Variants in TXNRD2 observed in about 807,000 individuals in gnomAD.
The protein encoded by TXNRD2 is thioredoxin reductase 2.
TXNRD2 carries 67 observed loss-of-function variants against 70.8 expected under a neutral mutation model. The observed-to-expected ratio is 0.95, with a 90% CI of 0.78 to 1.16. The LOEUF (loss-of-function observed/expected upper bound fraction) is 1.16. Ranked by LOEUF, TXNRD2 falls within the 50% of genes most tolerant of loss-of-function variation. TXNRD2 has a pLI of 0.00. For missense variants in TXNRD2, 644 were observed against 719.9 expected, an observed-to-expected ratio of 0.89 and a Z score of 1.21; for synonymous variants, 301 against 295.8, an observed-to-expected ratio of 1.02 and a Z score of -0.18.
chr22:19,934,550 A>G (rs188919280), intron 1 of TXNRD2, among the ~76,000 whole-genome samples: 378 of 149,466 alleles, frequency 2.5e-3, no homozygotes, highest in African/African-American at 9.0e-3. Flanking sequence ...CCCAAGTAAT[A>G]CTTTTATACT....
intron 11 of TXNRD2, among the ~76,000 whole-genome samples, chr22:19,886,331 G>A (rs1939032806): frequency 6.6e-6 from 1 of 152,248 alleles, no homozygotes. Flanking sequence ...CCCACTATGG[G>A]TCTTGCTGAG....
chr22:19,903,462 C>A (rs1939869054), intron 8 of TXNRD2, among the ~76,000 whole-genome samples: 1 of 152,236 alleles, frequency 6.6e-6, no homozygotes, highest in Non-Finnish European at 1.5e-5. Context: ...AGCTCCAAAA[C>A]CTGGCACTGA....
chr22:19,910,165 A>C (rs1469198946), intron 8 of TXNRD2, among the ~76,000 whole-genome samples: 1 of 152,224 alleles, frequency 6.6e-6, no homozygotes, highest in Non-Finnish European at 1.5e-5. Flanking sequence ...CACACCCCAC[A>C]GGCAGGAGCT....
chr22:19,910,692 A>G (rs12167533), intron 8 of TXNRD2, among the ~76,000 whole-genome samples: 4,898 of 152,238 alleles, frequency 0.032, 271 homozygotes, highest in African/African-American at 0.11. Context: ...CTGCAGCCTC[A>G]ACCTCCTGGG....
At chr22:19,906,286 A>T (rs941008753) in intron 8 of TXNRD2, among the ~76,000 whole-genome samples, 6 of 152,224 alleles carry the variant, frequency 3.9e-5, no homozygotes, top group African/African-American at 1.4e-4. Flanking sequence ...CACTGATCAC[A>T]GCAAATGCAA....
chr22:19,893,386 T>C (rs1379827872), intron 11 of TXNRD2, among the ~76,000 whole-genome samples: 3 of 152,202 alleles, frequency 2.0e-5, no homozygotes, highest in South Asian at 4.1e-4. Flanking sequence ...GAGCCTAAAC[T>C]AGACGGCCAG....
intron 11 of TXNRD2, among the ~76,000 whole-genome samples, chr22:19,892,638 T>A (rs1487268605): frequency 6.6e-6 from 1 of 152,176 alleles, no homozygotes; most frequent in East Asian, 1.9e-4. Context: ...TACATCCCTA[T>A]GGGCTTGGTC....
In TXNRD2 at chr22:19,931,055, A is replaced by C. The variant is rs766490506; in HGVS notation, c.147T>G (p.Ser49=). The change falls in exon 2 of 18, where the codon TCT becomes TCG. Residue 49 remains serine, a synonymous_variant. Coordinates refer to ENST00000400521, the MANE Select transcript of TXNRD2 (RefSeq NM_006440.5). The part of the protein sequence containing the change: ...DYDLLVVGGG[S]GGLACAKEAA... ...CCTCCTTGGCACAAGCCAGGCCACCAGATCCCCCGCCGACCACCAGGAGAT... is the reference window on the plus strand; with the variant it reads ...CCTCCTTGGCACAAGCCAGGCCACCCGATCCCCCGCCGACCACCAGGAGAT... The C allele has an allele frequency of 2.5e-6, 4 of 1,613,730 alleles. No homozygotes were observed. The South Asian group carries it at 4.4e-5, about 18-fold the overall frequency.
At chr22:19,913,169 G>C (rs570144917) in intron 7 of TXNRD2, among the ~76,000 whole-genome samples, 31 of 151,942 alleles carry the variant, frequency 2.0e-4, no homozygotes, top group Non-Finnish European at 3.5e-4. Flanking sequence ...CAACCCACAA[G>C]ACTGGGCCAG....
chr22:19,933,923 A>G (rs1435838099), intron 1 of TXNRD2, among the ~76,000 whole-genome samples: 1 of 152,170 alleles, frequency 6.6e-6, no homozygotes, highest in East Asian at 1.9e-4. Flanking sequence ...GCCTTCTGAC[A>G]TATTGTCCAT....
At chr22:19,887,972 G>T in intron 11 of TXNRD2, 1 of 154,988 alleles carries the variant, frequency 6.5e-6, no homozygotes, top group South Asian at 2.0e-4. Flanking sequence ...CACTGGACTT[G>T]GTTCAGAATT....
At chr22:19,936,199 T>C (rs766372119) in intron 1 of TXNRD2, among the ~76,000 whole-genome samples, 3 of 152,052 alleles carry the variant, frequency 2.0e-5, no homozygotes, top group East Asian at 1.9e-4. Flanking sequence ...CCTAATGACA[T>C]ACCAATCCCG....
At chr22:19,933,371 TG>T in intron 1 of TXNRD2, 1 of 1,151,752 alleles carries the variant, frequency 8.7e-7, no homozygotes, top group Non-Finnish European at 1.2e-6. Context: ...AACCTGCTGA[TG>T]GAGAAGCATC....
rs1276099452 is a variant in TXNRD2, at chr22:19,909,670, TCACA to T, written c.662+1703_662+1706del. Among the ~76,000 whole-genome samples the T allele has an allele frequency of 1.4e-4, 7 of 50,350 alleles. No homozygotes were observed. The Admixed American group carries it at 1.5e-3, about 11-fold the overall frequency. 33.0% of individuals were successfully genotyped at this position (50,350 alleles called of 152,430 possible). The stretch of plus-strand genomic sequence containing the variant: ...CACACACCATTCACACACACACCAC[TCACA>T]CACACTACTCACACACACTGCTCAC... On this transcript the variant is annotated intron_variant, in intron 8 of 17. Coordinates refer to ENST00000400521, the MANE Select transcript of TXNRD2 (RefSeq NM_006440.5).
chr22:19,892,533 C>G (rs891555387), intron 11 of TXNRD2, among the ~76,000 whole-genome samples: 1 of 152,262 alleles, frequency 6.6e-6, no homozygotes, highest in Admixed American at 6.5e-5. Flanking sequence ...GTGCAGGCCA[C>G]GGCAGCTCTG....
intron 8 of TXNRD2, among the ~76,000 whole-genome samples, chr22:19,903,696 A>T (rs1162929120): frequency 6.6e-6 from 1 of 152,180 alleles, no homozygotes; most frequent in South Asian, 2.1e-4. Context: ...TCTTGGCTGC[A>T]CTTGGATCCC....
intron 8 of TXNRD2, chr22:19,903,097 A>T: frequency 2.0e-6 from 1 of 512,440 alleles, no homozygotes; most frequent in Non-Finnish European, 3.9e-6. Flanking sequence ...CAGAGGGTGG[A>T]CAGGCCTGGC....
In TXNRD2 at chr22:19,931,671, A is replaced by G. The variant is rs181831375; in HGVS notation, c.104-573T>C. ...AGCACCGATCACCACGTCCAGCTAA[A>G]TTTTTTTGTTTTGTAGAGATGGGGT... On this transcript the variant is annotated intron_variant, in intron 1 of 17. Transcript: ENST00000400521. Among the ~76,000 whole-genome samples the G allele has an allele frequency of 1.8e-3, 276 of 152,108 alleles. 1 individual carries two copies. The highest frequency in any genetic ancestry group is 6.1e-3 in the African/African-American group (255 of 41,524).
chr22:19,898,079 G>T lies in TXNRD2; in HGVS notation c.734C>A (p.Thr245Asn). Residue 245 changes from threonine to asparagine, a missense_variant, in exon 10 of 18, where the codon ACC (threonine) becomes AAC (asparagine). Physicochemically the swap from Thr to Asn is moderately conservative, Grantham distance 65 (BLOSUM62 0). This residue lies in a region of TXNRD2 where 566 missense variants were observed against 645.0 expected (regional missense o/e 0.88). Transcript: ENST00000400521. ...GAGGGGGATGCTGCGCATCATGATG[G>T]TGGTGTCCAGCCCAATCCCGGTGAG... The part of the protein sequence containing the change: ...GFLTGIGLDT[T>N]IMMRSIPLRG... The T allele has an allele frequency of 2.6e-6, 4 of 1,566,536 alleles. No homozygotes were observed. Among genetic ancestry groups the T allele is most frequent in the Non-Finnish European group, 3.5e-6 (4 of 1,156,096 alleles).
Sources: allele counts gnomAD v4.1 joint callset (sites outside exome capture counted in the v4.1 genomes callset), GRCh38; gene constraint gnomAD v4.1.1; regional missense constraint gnomAD v4.1.1; transcripts MANE v1.5; gene names NCBI Gene and HGNC (gene_info 2026-07-23, HGNC 2026-07-21).